The following NRXN1 variants were observed in gnomAD, a reference collection of about 807,000 sequenced individuals.
The protein encoded by NRXN1 is neurexin-1.
Under a neutral mutation model 150.9 loss-of-function variants are expected in NRXN1, and 39 were observed. That is an observed-to-expected ratio of 0.26 (90% CI 0.20 to 0.34). The LOEUF (loss-of-function observed/expected upper bound fraction) is 0.34. Among genes scored for constraint, NRXN1 ranks in the 10% least tolerant of loss-of-function variants. The pLI is 1.00. For missense variants in NRXN1, 1,815 were observed against 1,949.9 expected (o/e 0.93, Z 1.30); for synonymous variants, 924 against 757.0 (o/e 1.22, Z -3.62).
rs368310299 is a variant in NRXN1 at position 50,233,364 on chromosome 2, G to A, written c.3546+3425C>T. ...TGACTCAAAAACCATTTTATTCCAA[G>A]TTGTTATGTTTTTAAGAGTACAGTT... On this transcript the variant is annotated intron_variant, in intron 18 of 22. Coordinates refer to ENST00000401669, the MANE Select transcript of NRXN1 (RefSeq NM_001330078.2). Among the ~76,000 whole-genome samples the A allele has an allele frequency of 4.6e-5, 7 of 152,012 alleles. No homozygotes were observed. The East Asian group carries it at 7.7e-4, about 17-fold the overall frequency.
At chr2:50,105,853 C>A (rs1167360340) in intron 18 of NRXN1, among the ~76,000 whole-genome samples, 2 of 152,040 alleles carry the variant, frequency 1.3e-5, no homozygotes, top group East Asian at 3.9e-4. Flanking sequence ...CTATTACATA[C>A]ATAGTTTATA....
chr2:50,912,490 T>C (rs1684662557), intron 5 of NRXN1, among the ~76,000 whole-genome samples: 2 of 152,022 alleles, frequency 1.3e-5, no homozygotes, highest in South Asian at 4.1e-4. Context: ...AAGTGCCACA[T>C]ATTTTTAACT....
intron 17 of NRXN1, among the ~76,000 whole-genome samples, chr2:50,421,741 G>A (rs1185129329): frequency 1.3e-5 from 2 of 152,094 alleles, no homozygotes; most frequent in East Asian, 3.9e-4. Flanking sequence ...TAAACAAAGT[G>A]CATACTGCAA....
chr2:50,718,651 C>T (rs1230168076), intron 5 of NRXN1, among the ~76,000 whole-genome samples: 1 of 152,072 alleles, frequency 6.6e-6, no homozygotes, highest in East Asian at 1.9e-4. Context: ...AAATAAGAGC[C>T]CTTCTGCAGA....
At chr2:50,215,745 A>G (rs1424174523) in intron 18 of NRXN1, among the ~76,000 whole-genome samples, 1 of 152,092 alleles carries the variant, frequency 6.6e-6, no homozygotes, top group Non-Finnish European at 1.5e-5. Flanking sequence ...AAATCAGGAC[A>G]ATCTAAATTA....
intron 5 of NRXN1, among the ~76,000 whole-genome samples, chr2:50,643,890 C>G (rs1684423305): frequency 6.6e-6 from 1 of 151,688 alleles, no homozygotes; most frequent in South Asian, 2.1e-4. Flanking sequence ...GCTTGCATAT[C>G]AATTTTACAG....
intron 8 of NRXN1, among the ~76,000 whole-genome samples, chr2:50,556,893 G>A (rs1668339562): frequency 6.6e-6 from 1 of 152,136 alleles, no homozygotes; most frequent in Non-Finnish European, 1.5e-5. Flanking sequence ...GGAAAGGCGT[G>A]CCATAACTAT....
chr2:50,166,072 T>C (rs1228114918), intron 18 of NRXN1, among the ~76,000 whole-genome samples: 2 of 152,028 alleles, frequency 1.3e-5, no homozygotes, highest in Non-Finnish European at 1.5e-5. Flanking sequence ...AATCTAAAAA[T>C]TTGAAATCCA....
chr2:49,946,415 G>C (rs1365613806), intron 21 of NRXN1, among the ~76,000 whole-genome samples: 1 of 152,060 alleles, frequency 6.6e-6, no homozygotes, highest in African/African-American at 2.4e-5. Context: ...TTTGGCTTTT[G>C]TTGCCACTGC....
chr2:51,002,962 T>C (rs1379009277), intron 2 of NRXN1, among the ~76,000 whole-genome samples: 2 of 151,954 alleles, frequency 1.3e-5, no homozygotes, highest in African/African-American at 4.8e-5. Flanking sequence ...ATATTCTTCC[T>C]GAGCTTATGA....
At position 50,739,081 on chromosome 2, in the gene NRXN1, G is replaced by C. The variant is rs140755241; in HGVS notation, c.833-115466C>G. On this transcript the variant is annotated intron_variant, in intron 5 of 22. Transcript: ENST00000401669. ...TTACCTACAAAGAAATATAAAACTA[G>C]ACTCCACATTTTTGAGTCCTAATTC... is the stretch of plus-strand genomic sequence containing the variant. 5.9e-5 allele frequency among the ~76,000 whole-genome samples: 9 copies of C among 152,248 alleles called. No individual in the cohort carries two copies. The East Asian group carries it at 1.5e-3, about 26-fold the overall frequency.
intron 5 of NRXN1, among the ~76,000 whole-genome samples, chr2:50,820,367 T>C (rs1435739139): frequency 1.3e-5 from 2 of 152,076 alleles, no homozygotes; most frequent in Non-Finnish European, 2.9e-5. Context: ...ATTGCTTGAG[T>C]GATTTGAACT....
chr2:50,620,245 G>A, intron 7 of NRXN1, 62 bp from the exon 8 acceptor site: 1 of 1,496,080 alleles, frequency 6.7e-7, no homozygotes, highest in Non-Finnish European at 9.1e-7. Flanking sequence ...GTAATCCTGG[G>A]ATATGCCTGT....
At chr2:50,305,209 T>C (rs2074509416) in intron 17 of NRXN1, among the ~76,000 whole-genome samples, 1 of 152,148 alleles carries the variant, frequency 6.6e-6, no homozygotes, top group Non-Finnish European at 1.5e-5. Flanking sequence ...TTTTACAGAC[T>C]CAAGGGCTGA....
At chr2:50,668,395 C>T (rs1436123007) in intron 5 of NRXN1, among the ~76,000 whole-genome samples, 3 of 151,770 alleles carry the variant, frequency 2.0e-5, no homozygotes, top group Non-Finnish European at 4.4e-5. Context: ...CTTATTAAAT[C>T]ATTACTGCAA....
At chr2:50,724,160 A>G (rs1697024599) in intron 5 of NRXN1, among the ~76,000 whole-genome samples, 2 of 152,188 alleles carry the variant, frequency 1.3e-5, no homozygotes, top group Non-Finnish European at 2.9e-5. Flanking sequence ...CCAAGAATTT[A>G]TATTTTAAGT....
At chr2:50,787,855 C>T (rs1296924691) in intron 5 of NRXN1, among the ~76,000 whole-genome samples, 1 of 151,970 alleles carries the variant, frequency 6.6e-6, no homozygotes, top group African/African-American at 2.4e-5. Context: ...GAGGCTTTTT[C>T]AGTCCATGAT....
intron 5 of NRXN1, among the ~76,000 whole-genome samples, chr2:50,731,244 G>A (rs1698064787): frequency 6.6e-6 from 1 of 152,022 alleles, no homozygotes; most frequent in South Asian, 2.1e-4. Flanking sequence ...GACAAGAAAT[G>A]GAAATAAAAC....
chr2:50,237,909 G>T (rs926129824), intron 17 of NRXN1, among the ~76,000 whole-genome samples: 1 of 151,962 alleles, frequency 6.6e-6, no homozygotes, highest in African/African-American at 2.4e-5. Context: ...CTGTTCTCAT[G>T]ATAGTGAGTT....
Sources: gnomAD v4.1 joint callset for allele counts (sites outside exome capture counted in the v4.1 genomes callset) on GRCh38, gnomAD v4.1.1 for gene constraint, MANE v1.5 for transcripts, NCBI Gene and HGNC (gene_info 2026-07-23, HGNC 2026-07-21) for gene names.